CEP350: variants seen among roughly 807,000 people sequenced by gnomAD.
CEP350 encodes the protein centrosomal protein 350, also known as centrosome-associated protein 350.
CEP350 carries 126 observed loss-of-function variants against 331.8 expected under a neutral mutation model. That is an observed-to-expected ratio of 0.38 (90% CI 0.33 to 0.44). The LOEUF (loss-of-function observed/expected upper bound fraction) is 0.44, where lower values mean the gene tolerates loss of function less well. CEP350 is among the 20% of genes least tolerant of loss of function. CEP350 has a pLI of 1.00. For missense variants in CEP350, 3,406 were observed against 3,634.6 expected (o/e 0.94, Z 1.62); for synonymous variants, 1,200 against 1,259.5 (o/e 0.95, Z 1.00).
At chr1:179,972,108 C>T (rs1489569353) in intron 1 of CEP350, among the ~76,000 whole-genome samples, 1 of 152,042 alleles carries the variant, frequency 6.6e-6, no homozygotes, top group Non-Finnish European at 1.5e-5. Context: ...AATGAGCTGG[C>T]TCTTGGAGAT....
intron 1 of CEP350, among the ~76,000 whole-genome samples, chr1:179,975,405 T>C (rs984163017): frequency 6.6e-6 from 1 of 152,146 alleles, no homozygotes; most frequent in African/African-American, 2.4e-5. Context: ...ACGATAACTT[T>C]GATTGCAGTA....
At chr1:179,969,306 A>G in intron 1 of CEP350, 1 of 501,078 alleles carries the variant, frequency 2.0e-6, no homozygotes. Context: ...GTGACCAAGG[A>G]AGAATTTTAG....
At chr1:180,007,839 CGTGTGTGTGTGTGTGTGT>C (rs71118426) in intron 8 of CEP350, among the ~76,000 whole-genome samples, 23 of 141,010 alleles carry the variant, frequency 1.6e-4, no homozygotes, top group African/African-American at 5.7e-4. Flanking sequence ...TTTTATGTAT[CGTGTGTGTGTGTGTGTGT>C]GTGTGTGTGT....
chr1:180,015,724 A>G, intron 10 of CEP350, 125 bp from the exon 11 acceptor site: 1 of 1,158,960 alleles, frequency 8.6e-7, no homozygotes, highest in South Asian at 1.8e-5. Flanking sequence ...GTTTTGTTTG[A>G]CAAAAAAAAA....
chr1:180,098,554 G>A (rs1483963954), intron 36 of CEP350, among the ~76,000 whole-genome samples: 3 of 151,858 alleles, frequency 2.0e-5, no homozygotes, highest in African/African-American at 7.3e-5. Context: ...ATGTTGCTCA[G>A]GCTGGTCTCA....
rs752108015 is a variant in CEP350 at position 180,111,025 on chromosome 1, A to G, written c.9218A>G (p.Gln3073Arg). Reference sequence around the variant, plus strand: ...CAGGAGCTCCATGAGGAGGAGGCACAGTGGGTGAACTATGATGAGGATGAG... The same window carrying G: ...CAGGAGCTCCATGAGGAGGAGGCACGGTGGGTGAACTATGATGAGGATGAG... ...LVQELHEEEAQWVNYDEDELC... is the reference protein window; with the variant it reads ...LVQELHEEEARWVNYDEDELC... The change falls in exon 38 of 38, where the codon CAG becomes CGG. Residue 3073 changes from glutamine (Q) to arginine (R), a missense_variant. Coordinates refer to ENST00000367607, the MANE Select transcript of CEP350 (RefSeq NM_014810.5). 6.2e-7 allele frequency: 1 copy of G among 1,613,990 alleles called. No individual in the cohort carries two copies. The highest frequency in any genetic ancestry group is 1.7e-5 in the Admixed American group (1 of 60,016).
At chr1:180,086,174 C>T (rs1187045920) in intron 31 of CEP350, among the ~76,000 whole-genome samples, 1 of 152,074 alleles carries the variant, frequency 6.6e-6, no homozygotes, top group Non-Finnish European at 1.5e-5. Flanking sequence ...GTAACTTGCA[C>T]AATGGTTAGA....
chr1:179,986,655 C>T (rs991570655), intron 2 of CEP350, among the ~76,000 whole-genome samples: 1 of 152,000 alleles, frequency 6.6e-6, no homozygotes, highest in East Asian at 1.9e-4. Context: ...GATTGACAAA[C>T]TAGAGTACAT....
intron 1 of CEP350, among the ~76,000 whole-genome samples, chr1:179,955,697 C>G (rs868237848): frequency 2.0e-5 from 3 of 152,330 alleles, no homozygotes; most frequent in Middle Eastern, 6.8e-3. Flanking sequence ...TTAAATGCAG[C>G]TCAACATGCT....
intron 30 of CEP350, among the ~76,000 whole-genome samples, chr1:180,082,839 C>CA (rs966508499): frequency 6.6e-6 from 1 of 151,978 alleles, no homozygotes; most frequent in Non-Finnish European, 1.5e-5. Flanking sequence ...TAGTGGTGTA[C>CA]AAAATCTTAC....
intron 21 of CEP350, among the ~76,000 whole-genome samples, chr1:180,046,392 T>C (rs1657122204): frequency 6.6e-6 from 1 of 152,256 alleles, no homozygotes; most frequent in Non-Finnish European, 1.5e-5. Context: ...TCAAGTTTCA[T>C]GCATGTTGTA....
intron 17 of CEP350, among the ~76,000 whole-genome samples, chr1:180,039,744 G>A (rs998901086): frequency 6.6e-6 from 1 of 151,686 alleles, no homozygotes; most frequent in Non-Finnish European, 1.5e-5. Context: ...GGCTATTCTA[G>A]GTTTTTTGCA....
chr1:180,028,090 T>G (rs558505536), intron 14 of CEP350, among the ~76,000 whole-genome samples: 2 of 152,336 alleles, frequency 1.3e-5, no homozygotes, highest in African/African-American at 4.8e-5. Context: ...AGTTTAGTGG[T>G]ATAGACTGTT....
Position 180,113,345 on chromosome 1 carries a change from A to C in CEP350, c.*2184A>C, listed in dbSNP as rs1023672625. 6.6e-6 allele frequency: 1 copy of C among 152,114 alleles called. No individual in the cohort carries two copies. The highest frequency in any genetic ancestry group is 1.5e-5 in the Non-Finnish European group (1 of 68,020). 9.4% of individuals were successfully genotyped at this position (152,114 alleles called of 1,614,324 possible). A position where few individuals can be genotyped will look rare whatever the true frequency, so the allele number is the denominator to read the frequency against. ...ACCTAAAACCAGTTTTTAATAAGAA[A>C]GTTTATCTTTACTCTTTCTGAAATT... On this transcript the variant is annotated 3_prime_UTR_variant, in exon 38 of 38. Coordinates refer to ENST00000367607, the MANE Select transcript of CEP350 (RefSeq NM_014810.5).
Position 180,024,486 on chromosome 1 carries a change from G to A in CEP350, c.3454G>A (p.Val1152Ile), listed in dbSNP as rs1370669879. The A allele has an allele frequency of 5.0e-6, 8 of 1,613,244 alleles. No individual in the cohort carries two copies. The highest frequency in any genetic ancestry group is 2.7e-5 in the African/African-American group (2 of 75,008). The part of the protein sequence containing the change: ...KSAYDPSSVD[V>I]TSQHSSGAQS... ...TGCCTATGATCCTTCCTCTGTGGAT[G>A]TTACCTCCCAGCATTCATCAGGAGC... Residue 1152 changes from valine to isoleucine, a missense_variant, in exon 14 of 38, where the codon GTT becomes ATT. By Grantham distance (29) the Val-to-Ile change is conservative. Around this residue, in one of 5 missense-constraint regions of CEP350, gnomAD observed 1,857 missense variants for 1,909.2 expected, o/e 0.97. Transcript: ENST00000367607.
chr1:179,991,314 CTTTTTT>C (rs748309168), intron 4 of CEP350, among the ~76,000 whole-genome samples: 1 of 109,392 alleles, frequency 9.1e-6, no homozygotes, highest in Non-Finnish European at 1.9e-5. Context: ...TCTTTCTTTT[CTTTTTT>C]TTTTTTTTTT....
intron 1 of CEP350, among the ~76,000 whole-genome samples, chr1:179,956,498 TAAAC>T (rs1452611291): frequency 5.9e-5 from 9 of 152,208 alleles, no homozygotes; most frequent in African/African-American, 2.2e-4. Context: ...CGTTAATACT[TAAAC>T]AGCCAACCTT....
chr1:179,969,480 A>G (rs1558068639), intron 1 of CEP350: 1 of 477,500 alleles, frequency 2.1e-6, no homozygotes, highest in Admixed American at 2.2e-5. Flanking sequence ...AGGCCACTGA[A>G]TGGGTAGGAA....
At chr1:180,033,756 A>T in intron 15 of CEP350, 106 bp from the exon 16 acceptor site, 2 of 1,141,806 alleles carry the variant, frequency 1.8e-6, no homozygotes, top group Non-Finnish European at 2.5e-6. Context: ...ACAACTTTTT[A>T]AAGCTAATGT....
Sources: gnomAD v4.1 joint callset for allele counts (sites outside exome capture counted in the v4.1 genomes callset) on GRCh38, gnomAD v4.1.1 for gene constraint, gnomAD v4.1.1 regional missense constraint, MANE v1.5 for transcripts, NCBI Gene and HGNC (gene_info 2026-07-23, HGNC 2026-07-21) for gene names.